CCDC40: variants seen among roughly 807,000 people sequenced by gnomAD.
The protein encoded by CCDC40 is coiled-coil domain 40 molecular ruler complex subunit.
CCDC40 carries 104 observed loss-of-function variants against 124.5 expected under a neutral mutation model. The observed-to-expected ratio is 0.84, with a 90% confidence interval of 0.71 to 0.98. The LOEUF is 0.98. Ranked by LOEUF, CCDC40 falls within the 50% of genes least tolerant of loss-of-function variation. The probability of loss-of-function intolerance (pLI) is 0.00; values close to 1 mark genes in which losing one functional copy is unlikely to be tolerated. For missense variants in CCDC40, 1,463 were observed against 1,503.9 expected (o/e 0.97, Z 0.45); for synonymous variants, 580 against 602.9 (o/e 0.96, Z 0.56).
intron 3 of CCDC40, among the ~76,000 whole-genome samples, chr17:80,044,707 A>AAAC (rs1491445974): frequency 3.5e-5 from 1 of 28,200 alleles, no homozygotes; most frequent in Non-Finnish European, 7.6e-5. Context: ...ACAAACAAAC[A>AAAC]AAAAAAAAAA....
At chr17:80,089,511 T>G in intron 16 of CCDC40, 1 of 174,454 alleles carries the variant, frequency 5.7e-6, no homozygotes, top group Non-Finnish European at 1.3e-5. Context: ...ATCCCTGTTC[T>G]CTCTCTCTCT....
Position 80,055,999 on chromosome 17 carries a change from TATA to T in CCDC40, c.1160-2494_1160-2492del, listed in dbSNP as rs2037729602. 1.5e-3 allele frequency among the ~76,000 whole-genome samples: 22 copies of T among 15,034 alleles called. 2 individuals are homozygous for T. Among genetic ancestry groups the T allele is most frequent in the Non-Finnish European group, 2.1e-3 (9 of 4,374 alleles). The allele number at this position is 15,034 out of a possible 152,430, so 9.9% of individuals were successfully genotyped here. On this transcript the variant is annotated intron_variant, in intron 7 of 19. Transcript: ENST00000397545. Reference sequence around the variant, plus strand: ...TAATTTTCATATATATATATATATATATATATATATATATATATTTTTTTTTTT... The same window carrying T: ...TAATTTTCATATATATATATATATATTATATATATATATATTTTTTTTTTT...
At chr17:80,039,320 T>A (rs759768206) in intron 2 of CCDC40, among the ~76,000 whole-genome samples, 2 of 151,218 alleles carry the variant, frequency 1.3e-5, no homozygotes, top group Non-Finnish European at 2.9e-5. Context: ...TGAGCCGAGA[T>A]CACGCCACCG....
intron 12 of CCDC40, 34 bp downstream of exon 12, chr17:80,082,092 GC>G (rs779920739): frequency 6.2e-7 from 1 of 1,601,638 alleles, no homozygotes; most frequent in Non-Finnish European, 8.5e-7. Flanking sequence ...GCTGTGCGAA[GC>G]CCCCTGCAGC....
At position 80,087,719 on chromosome 17, in the gene CCDC40, G is replaced by A. The variant is rs760217617; in HGVS notation, c.2562G>A (p.Ser854=). 32 of 1,613,774 alleles carry A rather than the reference G, an allele frequency of 2.0e-5. No homozygotes were observed. In the Admixed American group the frequency reaches 2.8e-4, roughly 14 times the overall value. ...TGATGAATAAAAACCGGTGCAGCTC[G>A]GAGGAGCTGGAGCAGAACAACCGGG... ...NMLMNKNRCS[S]EELEQNNRVT... Residue 854 remains serine (S), a synonymous_variant, in exon 15 of 20, where the codon TCG becomes TCA. Coordinates refer to ENST00000397545, the MANE Select transcript of CCDC40 (RefSeq NM_017950.4). The surrounding 1 kb of genome is among the most constrained non-coding windows in gnomAD (Gnocchi z 4.5).
intron 3 of CCDC40, among the ~76,000 whole-genome samples, chr17:80,043,940 T>G (rs1598480225): frequency 6.6e-6 from 1 of 152,258 alleles, no homozygotes; most frequent in Non-Finnish European, 1.5e-5. Context: ...TTTACTGCCT[T>G]GGCTGCCCCC....
chr17:80,050,380 G>A, intron 7 of CCDC40, 97 bp downstream of exon 7: 8 of 960,658 alleles, frequency 8.3e-6, no homozygotes, highest in Non-Finnish European at 1.3e-5. Flanking sequence ...AAAGTAAGAT[G>A]TGTGTGCATC....
At chr17:80,090,730 G>A (rs1409361321) in intron 17 of CCDC40, 4 of 1,402,434 alleles carry the variant, frequency 2.9e-6, no homozygotes, top group African/African-American at 1.4e-5. Context: ...TAAATTGCAA[G>A]TGGTCATCAA....
At chr17:80,060,168 T>C (rs535349367) in intron 9 of CCDC40, among the ~76,000 whole-genome samples, 1 of 152,244 alleles carries the variant, frequency 6.6e-6, no homozygotes, top group Non-Finnish European at 1.5e-5. Context: ...ACAAGGGACT[T>C]TCCATGCTAA....
At position 80,084,813 on chromosome 17, in the gene CCDC40, G is replaced by A. The variant is rs1300612509; in HGVS notation, c.2060G>A (p.Arg687Lys). The change falls in exon 13 of 20, where the codon AGG becomes AAG. Residue 687 changes from arginine to lysine, a missense_variant. Transcript: ENST00000397545. ...CTGGACATCACACACACCAGCAGCA[G>A]GCTGGACGCACACCAGAAGACCCTG... is the stretch of plus-strand genomic sequence containing the variant. The part of the protein sequence containing the change: ...TTLDITHTSS[R>K]LDAHQKTLVE... 3 of 1,614,174 alleles carry A rather than the reference G, an allele frequency of 1.9e-6. No homozygotes were observed. The highest frequency in any genetic ancestry group is 1.7e-6 in the Non-Finnish European group (2 of 1,180,018).
intron 18 of CCDC40, among the ~76,000 whole-genome samples, chr17:80,095,741 G>A (rs1026628255): frequency 2.0e-5 from 3 of 152,246 alleles, no homozygotes; most frequent in South Asian, 2.1e-4. Context: ...GGGCCTGTCT[G>A]GGAGACTGCA....
At position 80,090,214 on chromosome 17, in the gene CCDC40, A is replaced by G; in HGVS notation, c.2832+330A>G. The G allele has an allele frequency of 2.9e-5, 22 of 768,948 alleles. 3 individuals are homozygous for G. Among genetic ancestry groups the G allele is most frequent in the South Asian group, 1.6e-4 (7 of 43,286 alleles). The allele number at this position is 768,948 out of a possible 1,614,324, so 47.6% of individuals were successfully genotyped here. Reference sequence around the variant, plus strand: ...CGGGACGCACGCAGGCACGTGCACGAAGAACACGGGACGCGCGCAGGCACG... The same window carrying G: ...CGGGACGCACGCAGGCACGTGCACGGAGAACACGGGACGCGCGCAGGCACG... On this transcript the variant is annotated intron_variant, in intron 17 of 19. Transcript: ENST00000397545.
chr17:80,067,508 G>A (rs1205239065), intron 10 of CCDC40: 1 of 1,252,228 alleles, frequency 8.0e-7, no homozygotes, highest in South Asian at 1.3e-5. Flanking sequence ...TTAACAGCGT[G>A]TCCCTAGAGC....
Position 80,095,277 on chromosome 17 carries a change from G to C in CCDC40, c.2847G>C (p.Gln949His), listed in dbSNP as rs760466568. 1.9e-6 allele frequency: 3 copies of C among 1,613,908 alleles called. No homozygotes were observed. In the East Asian group the frequency reaches 6.7e-5, roughly 36 times the overall value. Residue 949 changes from glutamine to histidine, a missense_variant, in exon 18 of 20, where the codon CAG (glutamine) becomes CAC (histidine). Physicochemically the swap from Gln to His is conservative, Grantham distance 24. Coordinates refer to ENST00000397545, the MANE Select transcript of CCDC40 (RefSeq NM_017950.4). ...EIHRMKVRLG[Q>H]LLKQQEKMIR... ...CTGTCTCCCAGGTCAGGCTCGGGCAGCTGCTGAAGCAGCAGGAGAAGATGA... is the reference window on the plus strand; with the variant it reads ...CTGTCTCCCAGGTCAGGCTCGGGCACCTGCTGAAGCAGCAGGAGAAGATGA...
chr17:80,050,117 C>CT lies in CCDC40; in HGVS notation c.994dup (p.Tyr332LeufsTer2), dbSNP rs746575307. 3 of 1,613,938 alleles carry CT rather than the reference C, an allele frequency of 1.9e-6. No individual in the cohort carries two copies. The highest frequency in any genetic ancestry group is 4.5e-5 in the East Asian group (2 of 44,864). ...AGCGGCAGGAGCTGGGGGTGAATCT[C>CT]TATGAGGTGCAGCAGCACCTGGTAC... On this transcript the variant is annotated frameshift_variant, in exon 7 of 20. Coordinates refer to ENST00000397545, the MANE Select transcript of CCDC40 (RefSeq NM_017950.4). LOFTEE classifies it high-confidence loss of function.
intron 10 of CCDC40, chr17:80,067,898 G>A (rs971029643): frequency 2.4e-5 from 33 of 1,349,894 alleles, no homozygotes; most frequent in East Asian, 1.4e-4. Context: ...ACGTGCATGC[G>A]CAGAATGTTG....
At chr17:80,073,821 G>A (rs550204839) in intron 10 of CCDC40, among the ~76,000 whole-genome samples, 4 of 152,036 alleles carry the variant, frequency 2.6e-5, no homozygotes, top group Non-Finnish European at 4.4e-5. Flanking sequence ...CCAGCCTCCC[G>A]AGTGGCTGAG....
chr17:80,084,732 C>T lies in CCDC40; in HGVS notation c.1990-11C>T, dbSNP rs1451222251. On this transcript the variant is annotated splice_polypyrimidine_tract_variant and intron_variant, in intron 12 of 19. Transcript: ENST00000397545. ...GGCAATATTCACAGGTATTTCTTTT[C>T]ATCAATTCAGATGACACATCTTTCC... The T allele has an allele frequency of 6.2e-7, 1 of 1,613,818 alleles. No homozygotes were observed. Among genetic ancestry groups the T allele is most frequent in the African/African-American group, 1.3e-5 (1 of 75,010 alleles).
At chr17:80,079,094 C>T (rs556394479) in intron 10 of CCDC40, among the ~76,000 whole-genome samples, 6 of 152,120 alleles carry the variant, frequency 3.9e-5, no homozygotes, top group African/African-American at 1.2e-4. Flanking sequence ...CCACCACGCC[C>T]GGCTAATTTT....
Sources: gnomAD v4.1 joint callset for allele counts (sites outside exome capture counted in the v4.1 genomes callset) on GRCh38, gnomAD v4.1.1 for gene constraint, Gnocchi (gnomAD v3.1) non-coding constraint, MANE v1.5 for transcripts, NCBI Gene and HGNC (gene_info 2026-07-23, HGNC 2026-07-21) for gene names.